INSM2: variants seen among roughly 807,000 people sequenced by gnomAD.
The protein encoded by INSM2 is INSM transcriptional repressor 2, also known as insulinoma-associated protein 2.
Under a neutral mutation model 30.5 loss-of-function variants are expected in INSM2, and 12 were observed. That is an observed-to-expected ratio of 0.39 (90% CI 0.25 to 0.64). The LOEUF (loss-of-function observed/expected upper bound fraction) is 0.64. INSM2 is among the 30% of genes least tolerant of loss of function. INSM2 has a pLI of 0.47. For missense variants in INSM2, 773 were observed against 819.2 expected, an observed-to-expected ratio of 0.94 and a Z score of 0.69; for synonymous variants, 418 against 383.7, an observed-to-expected ratio of 1.09 and a Z score of -1.05.
Position 35,536,004 on chromosome 14 carries a change from A to T in INSM2, c.*51A>T. ...AGGTTGGCCTTAGAGGAAACAGATC[A>T]TGGGAATTTCTGTGGGGCTTTCTTC... On this transcript the variant is annotated 3_prime_UTR_variant, in exon 1 of 1. Transcript: ENST00000307169. The T allele has an allele frequency of 6.6e-7, 1 of 1,522,424 alleles. No individual in the cohort carries two copies. The highest frequency in any genetic ancestry group is 1.3e-5 in the South Asian group (1 of 76,274). 94.3% of individuals were successfully genotyped at this position (1,522,424 alleles called of 1,614,324 possible). A position where few individuals can be genotyped will look rare whatever the true frequency, so the allele number is the denominator to read the frequency against.
At position 35,536,136 on chromosome 14, in the gene INSM2, C is replaced by A. The variant is rs1171085180; in HGVS notation, c.*183C>A. On this transcript the variant is annotated 3_prime_UTR_variant, in exon 1 of 1. Coordinates refer to ENST00000307169, the MANE Select transcript of INSM2 (RefSeq NM_032594.4). ...GGACAGTGAAATGTAATATCCCTCT[C>A]TAGAGCAGGTATGTATATGGTATAA... is the stretch of plus-strand genomic sequence containing the variant. 7.4e-6 allele frequency: 5 copies of A among 675,036 alleles called. No individual in the cohort carries two copies. Among genetic ancestry groups the A allele is most frequent in the Admixed American group, 3.1e-5 (1 of 32,232 alleles). 41.8% of individuals were successfully genotyped at this position (675,036 alleles called of 1,614,324 possible).
chr14:35,534,243 C>A lies in INSM2; in HGVS notation c.-10C>A, dbSNP rs1289063915. 3 of 1,586,674 alleles carry A rather than the reference C, an allele frequency of 1.9e-6. No homozygotes were observed. Among genetic ancestry groups the A allele is most frequent in the Admixed American group, 3.5e-5 (2 of 57,938 alleles). On this transcript the variant is annotated 5_prime_UTR_variant, in exon 1 of 1. Transcript: ENST00000307169. ...CTTTCCTCTTGTCCCAGAGCGCTCT[C>A]GACTCCACCATGCCAAGGGGATTCC...
Position 35,534,354 on chromosome 14 carries a change from G to T in INSM2, c.102G>T (p.Ala34=). 2 of 1,576,094 alleles carry T rather than the reference G, an allele frequency of 1.3e-6. No homozygotes were observed. The highest frequency in any genetic ancestry group is 2.5e-5 in the East Asian group (1 of 40,296). ...RVFPLLGPQG[A]PPFLEEAPSA... ...TCCCTCTGCTGGGGCCCCAGGGGGC[G>T]CCGCCCTTCTTGGAGGAGGCTCCCA... Residue 34 remains alanine, a synonymous_variant, in exon 1 of 1, where the codon GCG becomes GCT. Transcript: ENST00000307169.
chr14:35,534,479 C>T lies in INSM2; in HGVS notation c.227C>T (p.Pro76Leu). 1.4e-6 allele frequency: 2 copies of T among 1,442,204 alleles called. No individual in the cohort carries two copies. Among genetic ancestry groups the T allele is most frequent in the Non-Finnish European group, 1.8e-6 (2 of 1,103,156 alleles). 89.3% of individuals were successfully genotyped at this position (1,442,204 alleles called of 1,614,324 possible). A position where few individuals can be genotyped will look rare whatever the true frequency, so the allele number is the denominator to read the frequency against. The change falls in exon 1 of 1, where the codon CCA (proline) becomes CTA (leucine). Residue 76 changes from proline (P) to leucine (L), a missense_variant. By Grantham distance (98) the Pro-to-Leu change is moderately conservative. Transcript: ENST00000307169. ...AEAAREQSGSPCRAAGVSPGT... is the reference protein window; with the variant it reads ...AEAAREQSGSLCRAAGVSPGT... ...GCGGCCCGGGAACAGTCGGGGTCGC[C>T]ATGTCGGGCGGCTGGGGTGAGCCCG...
At position 35,535,003 on chromosome 14, in the gene INSM2, C is replaced by A; in HGVS notation, c.751C>A (p.Arg251=). ...IKEEEPGAPS[R]GLGGSRTPLG... ...GGAGGAGGAGCCCGGAGCGCCGTCC[C>A]GGGGCTTGGGGGGCAGCCGCACGCC... The change falls in exon 1 of 1, where the codon CGG becomes AGG. Residue 251 remains arginine, a synonymous_variant. Coordinates refer to ENST00000307169, the MANE Select transcript of INSM2 (RefSeq NM_032594.4). The A allele has an allele frequency of 6.4e-7, 1 of 1,570,984 alleles. No homozygotes were observed. The highest frequency in any genetic ancestry group is 8.6e-7 in the Non-Finnish European group (1 of 1,159,736).
In INSM2 at chr14:35,535,392, C is replaced by G. The variant is rs764604601; in HGVS notation, c.1140C>G (p.Asp380Glu). The change falls in exon 1 of 1, where the codon GAC becomes GAG. Residue 380 changes from aspartate (D) to glutamate (E), a missense_variant. Physicochemically the swap from Asp to Glu is conservative, Grantham distance 45 (BLOSUM62 2). Transcript: ENST00000307169. ...RDSSGADQHP[D>E]SAPRQGLQVL... is the part of the protein sequence containing the mutation. ...GCTCCGGGGCGGATCAGCACCCGGA[C>G]AGCGCCCCGAGGCAGGGCCTCCAGG... The G allele has an allele frequency of 1.2e-6, 2 of 1,611,560 alleles. No individual in the cohort carries two copies. Among genetic ancestry groups the G allele is most frequent in the Non-Finnish European group, 1.7e-6 (2 of 1,179,206 alleles).
rs1357080677 is a variant in INSM2 at position 35,536,182 on chromosome 14, C to T, written c.*229C>T. 3 of 497,014 alleles carry T rather than the reference C, an allele frequency of 6.0e-6. No homozygotes were observed. Among genetic ancestry groups the T allele is most frequent in the Non-Finnish European group, 1.1e-5 (3 of 279,902 alleles). 30.8% of individuals were successfully genotyped at this position (497,014 alleles called of 1,614,324 possible). A position where few individuals can be genotyped will look rare whatever the true frequency, so the allele number is the denominator to read the frequency against. ...TATAAACCTTGAGATCAAAGACTGT[C>T]AGCTTTAAATCCTTCTCACTTTCCC... is the stretch of plus-strand genomic sequence containing the variant. On this transcript the variant is annotated 3_prime_UTR_variant, in exon 1 of 1. Coordinates refer to ENST00000307169, the MANE Select transcript of INSM2 (RefSeq NM_032594.4).
Position 35,534,542 on chromosome 14 carries a change from G to A in INSM2, c.290G>A (p.Gly97Asp). The change falls in exon 1 of 1, where the codon GGT becomes GAT. Residue 97 changes from glycine to aspartate, a missense_variant. Coordinates refer to ENST00000307169, the MANE Select transcript of INSM2 (RefSeq NM_032594.4). ...GGREGAEWRA[G>D]GREGPGPSPS... Reference sequence around the variant, plus strand: ...CGGGAAGGCGCGGAGTGGCGGGCGGGTGGCAGGGAAGGTCCCGGGCCCAGC... The same window carrying A: ...CGGGAAGGCGCGGAGTGGCGGGCGGATGGCAGGGAAGGTCCCGGGCCCAGC... 7.2e-7 allele frequency: 1 copy of A among 1,396,388 alleles called. No individual in the cohort carries two copies. Among genetic ancestry groups the A allele is most frequent in the Non-Finnish European group, 9.2e-7 (1 of 1,085,100 alleles). The allele number at this position is 1,396,388 out of a possible 1,614,324, so 86.5% of individuals were successfully genotyped here.
rs370971573 is a variant in INSM2 at position 35,534,657 on chromosome 14, C to T, written c.405C>T (p.Ala135=). 659 of 1,411,372 alleles carry T rather than the reference C, an allele frequency of 4.7e-4. 4 individuals are homozygous for T. In the African/African-American group the frequency reaches 9.2e-3, roughly 20 times the overall value. The allele number at this position is 1,411,372 out of a possible 1,614,324, so 87.4% of individuals were successfully genotyped here. A position where few individuals can be genotyped will look rare whatever the true frequency, so the allele number is the denominator to read the frequency against. Residue 135 remains alanine, a synonymous_variant, in exon 1 of 1, where the codon GCC becomes GCT. Coordinates refer to ENST00000307169, the MANE Select transcript of INSM2 (RefSeq NM_032594.4). Reference sequence around the variant, plus strand: ...GCTGCCTCAGCTCGCCCGTCTCCGCCGAGTCTTTCCCCGGGGGCGCCGCCG... The same window carrying T: ...GCTGCCTCAGCTCGCCCGTCTCCGCTGAGTCTTTCCCCGGGGGCGCCGCCG... ...LERCLSSPVS[A]ESFPGGAAAV...
chr14:35,536,142 C>T lies in INSM2; in HGVS notation c.*189C>T. ...TGAAATGTAATATCCCTCTCTAGAGCAGGTATGTATATGGTATAAACCTTG... is the reference window on the plus strand; with the variant it reads ...TGAAATGTAATATCCCTCTCTAGAGTAGGTATGTATATGGTATAAACCTTG... On this transcript the variant is annotated 3_prime_UTR_variant, in exon 1 of 1. Transcript: ENST00000307169. The T allele has an allele frequency of 1.5e-6, 1 of 654,828 alleles. No homozygotes were observed. 40.6% of individuals were successfully genotyped at this position (654,828 alleles called of 1,614,324 possible). A position where few individuals can be genotyped will look rare whatever the true frequency, so the allele number is the denominator to read the frequency against.
In INSM2 at chr14:35,534,936, C is replaced by G. The variant is rs781628030; in HGVS notation, c.684C>G (p.Ala228=). 5 of 1,588,304 alleles carry G rather than the reference C, an allele frequency of 3.1e-6. No individual in the cohort carries two copies. The highest frequency in any genetic ancestry group is 4.3e-6 in the Non-Finnish European group (5 of 1,170,140). ...AGGCCATGAGGAAGTTGAGCTTTGC[C>G]GATGAGGTGACCACATCCCCTGTCC... ...KPKAMRKLSF[A]DEVTTSPVLG... is the part of the protein sequence containing the mutation. The change falls in exon 1 of 1, where the codon GCC becomes GCG. Residue 228 remains alanine (A), a synonymous_variant. Coordinates refer to ENST00000307169, the MANE Select transcript of INSM2 (RefSeq NM_032594.4).
Position 35,534,407 on chromosome 14 carries a change from C to G in INSM2, c.155C>G (p.Ala52Gly). The G allele has an allele frequency of 6.6e-7, 1 of 1,518,096 alleles. No individual in the cohort carries two copies. Among genetic ancestry groups the G allele is most frequent in the Non-Finnish European group, 8.8e-7 (1 of 1,139,064 alleles). The allele number at this position is 1,518,096 out of a possible 1,614,324, so 94.0% of individuals were successfully genotyped here. Residue 52 changes from alanine to glycine, a missense_variant, in exon 1 of 1, where the codon GCG (alanine) becomes GGG (glycine). Ala to Gly is a moderately conservative substitution (Grantham distance 60, BLOSUM62 0). Coordinates refer to ENST00000307169, the MANE Select transcript of INSM2 (RefSeq NM_032594.4). ...GCCTCCTTGCCCGGCGCGGAGCGGGCGACACCCCCCACCCGAGAGGAACCA... is the reference window on the plus strand; with the variant it reads ...GCCTCCTTGCCCGGCGCGGAGCGGGGGACACCCCCCACCCGAGAGGAACCA... The part of the protein sequence containing the change: ...PSASLPGAER[A>G]TPPTREEPGK...
In INSM2 at chr14:35,534,912, G is replaced by C; in HGVS notation, c.660G>C (p.Lys220Asn). The C allele has an allele frequency of 1.3e-6, 2 of 1,596,840 alleles. No individual in the cohort carries two copies. Among genetic ancestry groups the C allele is most frequent in the South Asian group, 2.2e-5 (2 of 89,130 alleles). Residue 220 changes from lysine (K) to asparagine (N), a missense_variant, in exon 1 of 1, where the codon AAG (lysine) becomes AAC (asparagine). Lys to Asn is a moderately conservative substitution (Grantham distance 94). Coordinates refer to ENST00000307169, the MANE Select transcript of INSM2 (RefSeq NM_032594.4). Reference sequence around the variant, plus strand: ...CGGCCGCGGGAATCAAGAAGCCAAAGGCCATGAGGAAGTTGAGCTTTGCCG... The same window carrying C: ...CGGCCGCGGGAATCAAGAAGCCAAACGCCATGAGGAAGTTGAGCTTTGCCG... The part of the protein sequence containing the change: ...GPAAAGIKKP[K>N]AMRKLSFADE...
Position 35,535,291 on chromosome 14 carries a change from G to A in INSM2, c.1039G>A (p.Ala347Thr). ...GTCCTCCCGGGACTCCGGGGCCATT[G>A]CATCTTTTCTGGCGGAGGGAAAGGA... is the stretch of plus-strand genomic sequence containing the variant. ...SSSSRDSGAIASFLAEGKENS... is the reference protein window; with the variant it reads ...SSSSRDSGAITSFLAEGKENS... Residue 347 changes from alanine to threonine, a missense_variant, in exon 1 of 1, where the codon GCA becomes ACA. Ala to Thr is a moderately conservative substitution (Grantham distance 58). Transcript: ENST00000307169. 1 of 1,612,912 alleles carries A rather than the reference G, an allele frequency of 6.2e-7. No individual in the cohort carries two copies.
In INSM2 at chr14:35,534,333, T is replaced by C; in HGVS notation, c.81T>C (p.Pro27=). ...TTCGCCTTGCGGAGCGTGTCTTCCC[T>C]CTGCTGGGGCCCCAGGGGGCGCCGC... The part of the protein sequence containing the change: ...YRVRLAERVF[P]LLGPQGAPPF... The change falls in exon 1 of 1, where the codon CCT becomes CCC. Residue 27 remains proline, a synonymous_variant. Transcript: ENST00000307169. 1 of 1,588,716 alleles carries C rather than the reference T, an allele frequency of 6.3e-7. No homozygotes were observed. The highest frequency in any genetic ancestry group is 2.5e-5 in the East Asian group (1 of 40,668).
Position 35,536,112 on chromosome 14 carries a change from G to A in INSM2, c.*159G>A, listed in dbSNP as rs1414390562. ...TAGTCAATGTTCCACCAGAGGAGCG[G>A]ACAGTGAAATGTAATATCCCTCTCT... On this transcript the variant is annotated 3_prime_UTR_variant, in exon 1 of 1. Coordinates refer to ENST00000307169, the MANE Select transcript of INSM2 (RefSeq NM_032594.4). The A allele has an allele frequency of 1.2e-6, 1 of 854,544 alleles. No individual in the cohort carries two copies. Among genetic ancestry groups the A allele is most frequent in the African/African-American group, 1.7e-5 (1 of 58,458 alleles). 52.9% of individuals were successfully genotyped at this position (854,544 alleles called of 1,614,324 possible). A position where few individuals can be genotyped will look rare whatever the true frequency, so the allele number is the denominator to read the frequency against.
At position 35,535,218 on chromosome 14, in the gene INSM2, C is replaced by T; in HGVS notation, c.966C>T (p.Ala322=). The T allele has an allele frequency of 1.2e-6, 2 of 1,613,382 alleles. No individual in the cohort carries two copies. Among genetic ancestry groups the T allele is most frequent in the Non-Finnish European group, 1.7e-6 (2 of 1,179,948 alleles). ...WHKPRPAAAN[A]ATVSSADGKP... ...AGCCGCGTCCTGCGGCTGCAAACGC[C>T]GCCACAGTCTCCTCCGCCGACGGGA... Residue 322 remains alanine (A), a synonymous_variant, in exon 1 of 1, where the codon GCC becomes GCT. Transcript: ENST00000307169.
rs2053606355 is a variant in INSM2 at position 35,536,840 on chromosome 14, ACCTG to A, written c.*888_*891del. ...TGTACAGCTTAAGGAAGATGTTAAC[ACCTG>A]TAATCCACTAAGGAACTGAATGGCA... is the stretch of plus-strand genomic sequence containing the variant. On this transcript the variant is annotated 3_prime_UTR_variant, in exon 1 of 1. Transcript: ENST00000307169. The A allele has an allele frequency of 6.0e-6, 1 of 167,122 alleles. No individual in the cohort carries two copies. Among genetic ancestry groups the A allele is most frequent in the Non-Finnish European group, 1.5e-5 (1 of 68,130 alleles). The allele number at this position is 167,122 out of a possible 1,614,324, so 10.4% of individuals were successfully genotyped here.
rs1261863110 is a variant in INSM2 at position 35,535,512 on chromosome 14, C to T, written c.1260C>T (p.Gly420=). The change falls in exon 1 of 1, where the codon GGC becomes GGT. Residue 420 remains glycine, a synonymous_variant. Transcript: ENST00000307169. ...CTGTGCCGGGCAGTACCAGTGGTGG[C>T]AGGGGATCCGAGATTTTCGTGTGCC... ...RVPVPGSTSG[G]RGSEIFVCPY... 11 of 1,613,184 alleles carry T rather than the reference C, an allele frequency of 6.8e-6. No individual in the cohort carries two copies. Among genetic ancestry groups the T allele is most frequent in the Admixed American group, 1.7e-5 (1 of 60,012 alleles).
Sources: gnomAD v4.1 joint callset for allele counts on GRCh38, gnomAD v4.1.1 for gene constraint, MANE v1.5 for transcripts, NCBI Gene and HGNC (gene_info 2026-07-23, HGNC 2026-07-21) for gene names.